Variants in SASS6 observed in about 807,000 individuals in gnomAD.
SASS6 encodes SAS-6 centriolar assembly protein.
Under a neutral mutation model 94.9 loss-of-function variants are expected in SASS6, and 59 were observed. The observed-to-expected ratio is 0.62, with a 90% CI of 0.50 to 0.77. The LOEUF is 0.77. Among genes scored for constraint, SASS6 ranks in the 30% least tolerant of loss-of-function variants. The pLI is 0.00. For missense variants in SASS6, 698 were observed against 734.1 expected (o/e 0.95, Z 0.57); for synonymous variants, 264 against 270.0 (o/e 0.98, Z 0.22).
In SASS6 at chr1:100,107,929, T is replaced by C. The variant is rs1003895667; in HGVS notation, c.937A>G (p.Lys313Glu). ...TGTAGCTGATTAACGTGCTTTTCTT[T>C]CTCGTGGCATTCAACATCTAGTGTA... Reference protein sequence around the residue: ...NSTLDVECHEKEKHVNQLQTK... With the variant: ...NSTLDVECHEEEKHVNQLQTK... The change falls in exon 9 of 17, where the codon AAA (lysine) becomes GAA (glutamate). Residue 313 changes from lysine (K) to glutamate (E), a missense_variant. Physicochemically the swap from Lys to Glu is moderately conservative, Grantham distance 56 (BLOSUM62 1). Transcript: ENST00000287482. The C allele has an allele frequency of 3.0e-5, 48 of 1,612,864 alleles. No individual in the cohort carries two copies. Among genetic ancestry groups the C allele is most frequent in the Non-Finnish European group, 4.0e-5 (47 of 1,179,200 alleles).
At chr1:100,119,262 C>T in intron 6 of SASS6, 125 bp from the exon 7 acceptor site, 1 of 477,846 alleles carries the variant, frequency 2.1e-6, no homozygotes, top group Non-Finnish European at 3.3e-6. Flanking sequence ...AGGACATGTT[C>T]AAAGCCTTTT....
intron 7 of SASS6, among the ~76,000 whole-genome samples, chr1:100,113,325 A>G (rs1369652152): frequency 6.6e-6 from 1 of 152,094 alleles, no homozygotes; most frequent in African/African-American, 2.4e-5. Flanking sequence ...AGCCAAAAAA[A>G]AGGCCGGGCC....
rs556223461 is a variant in SASS6 at position 100,115,920 on chromosome 1, C to G, written c.669+3098G>C. ...AAAAAATTCTACCTTATATTATACT[C>G]CACAAAATTATATTCCAAGTAGATT... On this transcript the variant is annotated intron_variant, in intron 7 of 16. Transcript: ENST00000287482. 9.2e-5 allele frequency among the ~76,000 whole-genome samples: 14 copies of G among 152,152 alleles called. No homozygotes were observed. In the South Asian group the frequency reaches 2.9e-3, roughly 32 times the overall value.
intron 7 of SASS6, among the ~76,000 whole-genome samples, chr1:100,117,291 C>CAAA (rs60675693): frequency 1.1e-5 from 1 of 94,682 alleles, no homozygotes; most frequent in Non-Finnish European, 2.2e-5. Context: ...AATTCTGTCT[C>CAAA]AAAAAAAAAA....
intron 1 of SASS6, among the ~76,000 whole-genome samples, chr1:100,130,000 G>C (rs1163037444): frequency 6.6e-6 from 1 of 152,180 alleles, no homozygotes; most frequent in Non-Finnish European, 1.5e-5. Flanking sequence ...ACTGTTGTAA[G>C]CAGTTCATAT....
intron 14 of SASS6, among the ~76,000 whole-genome samples, chr1:100,094,303 T>C (rs895231983): frequency 6.6e-6 from 1 of 152,034 alleles, no homozygotes; most frequent in Non-Finnish European, 1.5e-5. Context: ...AAAAATTAAT[T>C]CACAGCTGAA....
intron 2 of SASS6, among the ~76,000 whole-genome samples, chr1:100,125,423 G>A (rs1018497751): frequency 2.0e-5 from 3 of 151,790 alleles, no homozygotes; most frequent in African/African-American, 7.3e-5. Context: ...GTTCAAGCCT[G>A]TAATCTCAGC....
chr1:100,122,199 A>C (rs1654244228), intron 4 of SASS6, among the ~76,000 whole-genome samples, 181 bp downstream of exon 4: 1 of 152,238 alleles, frequency 6.6e-6, no homozygotes, highest in Non-Finnish European at 1.5e-5. Context: ...AAAATTAAGA[A>C]ATATTTCTGA....
rs1366103509 is a variant in SASS6, at chr1:100,084,404, A to ACGTT, written c.*923_*924insAACG. On this transcript the variant is annotated 3_prime_UTR_variant, in exon 17 of 17. Coordinates refer to ENST00000287482, the MANE Select transcript of SASS6 (RefSeq NM_194292.3). ...TTTTAAAAAAATTTTTCCCCAAGGA[A>ACGTT]CAATTCTTAAAACTTTCAGTTACAG... 1 of 152,096 alleles carries ACGTT rather than the reference A, an allele frequency of 6.6e-6. No homozygotes were observed. Among genetic ancestry groups the ACGTT allele is most frequent in the African/African-American group, 2.4e-5 (1 of 41,448 alleles). 9.4% of individuals were successfully genotyped at this position (152,096 alleles called of 1,614,324 possible).
chr1:100,106,515 T>C (rs1473116768), intron 12 of SASS6, among the ~76,000 whole-genome samples: 1 of 152,180 alleles, frequency 6.6e-6, no homozygotes, highest in Non-Finnish European at 1.5e-5. Context: ...TTGGCCAATG[T>C]CTACTTTTAT....
At chr1:100,125,546 G>A (rs1654547025) in intron 2 of SASS6, among the ~76,000 whole-genome samples, 1 of 151,202 alleles carries the variant, frequency 6.6e-6, no homozygotes, top group African/African-American at 2.4e-5. Context: ...GGGCGTGGTG[G>A]TGCATGCCTG....
Position 100,125,951 on chromosome 1 carries a change from A to T in SASS6, c.66-9T>A. The T allele has an allele frequency of 7.0e-7, 1 of 1,437,132 alleles. No individual in the cohort carries two copies. The highest frequency in any genetic ancestry group is 9.6e-7 in the Non-Finnish European group (1 of 1,043,838). 89.0% of individuals were successfully genotyped at this position (1,437,132 alleles called of 1,614,324 possible). A position where few individuals can be genotyped will look rare whatever the true frequency, so the allele number is the denominator to read the frequency against. On this transcript the variant is annotated splice_polypyrimidine_tract_variant and intron_variant, in intron 1 of 16. Coordinates refer to ENST00000287482, the MANE Select transcript of SASS6 (RefSeq NM_194292.3). ...TTCTTATACTTACTCTCCTGTAGGA[A>T]AAGACATACCCAACCATCAGAAACA...
chr1:100,092,618 CAGGCTAGAGTGCAG>C (rs1651807000), intron 14 of SASS6, among the ~76,000 whole-genome samples: 1 of 152,046 alleles, frequency 6.6e-6, no homozygotes, highest in Admixed American at 6.5e-5. Flanking sequence ...CTCTGTCACC[CAGGCTAGAGTGCAG>C]AGGCGCAATC....
chr1:100,119,620 T>TAG (rs1654026746), intron 6 of SASS6, among the ~76,000 whole-genome samples: 2 of 152,168 alleles, frequency 1.3e-5, no homozygotes, highest in Non-Finnish European at 2.9e-5. Flanking sequence ...CTGTGGTAGG[T>TAG]GATTGGATCA....
chr1:100,123,289 C>A lies in SASS6; in HGVS notation c.127G>T (p.Asp43Tyr). The A allele has an allele frequency of 6.7e-7, 1 of 1,495,644 alleles. No homozygotes were observed. Among genetic ancestry groups the A allele is most frequent in the South Asian group, 1.2e-5 (1 of 83,582 alleles). The allele number at this position is 1,495,644 out of a possible 1,614,324, so 92.6% of individuals were successfully genotyped here. A position where few individuals can be genotyped will look rare whatever the true frequency, so the allele number is the denominator to read the frequency against. ...QSVSNPVHRKDLVIRLTDDTD... is the reference protein window; with the variant it reads ...QSVSNPVHRKYLVIRLTDDTD... ...TCATCAGTCAGACGAATAACTAAGT[C>A]CTAAAAGAAAGTTTGTTGTTTTTAA... Residue 43 changes from aspartate (D) to tyrosine (Y), a missense_variant and splice_region_variant, in exon 3 of 17, where the codon GAC becomes TAC. Transcript: ENST00000287482.
chr1:100,111,256 A>G (rs530917651), intron 7 of SASS6, among the ~76,000 whole-genome samples: 5 of 152,066 alleles, frequency 3.3e-5, no homozygotes, highest in Non-Finnish European at 7.4e-5. Context: ...TTATATACTT[A>G]TATTGACATC....
chr1:100,110,470 T>C lies in SASS6; in HGVS notation c.683A>G (p.Tyr228Cys), dbSNP rs761022912. ...KEKALQAQVQ[Y>C]QQQHEQQKKD... is the part of the protein sequence containing the mutation. ...TTTCTGTTGTTCATGCTGCTGTTGATATTGAACCTGTGCCTATGATACAAT... is the reference window on the plus strand; with the variant it reads ...TTTCTGTTGTTCATGCTGCTGTTGACATTGAACCTGTGCCTATGATACAAT... Residue 228 changes from tyrosine (Y) to cysteine (C), a missense_variant, in exon 8 of 17, where the codon TAT (tyrosine) becomes TGT (cysteine). Coordinates refer to ENST00000287482, the MANE Select transcript of SASS6 (RefSeq NM_194292.3). 1.3e-6 allele frequency: 2 copies of C among 1,598,484 alleles called. No homozygotes were observed. The highest frequency in any genetic ancestry group is 1.1e-5 in the South Asian group (1 of 88,776).
intron 7 of SASS6, among the ~76,000 whole-genome samples, chr1:100,113,768 C>T (rs1029017416): frequency 2.6e-5 from 4 of 151,686 alleles, no homozygotes; most frequent in Middle Eastern, 3.2e-3. Flanking sequence ...ACCACCTAGT[C>T]GCGTTAAACA....
intron 14 of SASS6, among the ~76,000 whole-genome samples, chr1:100,095,217 G>A (rs1652030307): frequency 6.6e-6 from 1 of 152,130 alleles, no homozygotes; most frequent in African/African-American, 2.4e-5. Context: ...CAGAATGTCT[G>A]CTCTCACATT....
Sources: allele counts gnomAD v4.1 joint callset (sites outside exome capture counted in the v4.1 genomes callset), GRCh38; gene constraint gnomAD v4.1.1; transcripts MANE v1.5; gene names NCBI Gene and HGNC (gene_info 2026-07-23, HGNC 2026-07-21).